Variants in PPARGC1A observed in about 807,000 individuals in gnomAD.
PPARGC1A encodes the protein PPARG coactivator 1 alpha.
In PPARGC1A, 25 loss-of-function variants were observed where a neutral mutation model predicts 88.7. The observed-to-expected ratio is 0.28, with a 90% CI of 0.21 to 0.39. PPARGC1A has a LOEUF of 0.39. Among genes scored for constraint, PPARGC1A ranks in the 10% least tolerant of loss-of-function variants. PPARGC1A has a pLI of 1.00. For missense variants in PPARGC1A, 880 were observed against 968.7 expected, an observed-to-expected ratio of 0.91 and a Z score of 1.22; for synonymous variants, 363 against 355.6, an observed-to-expected ratio of 1.02 and a Z score of -0.24.
At chr4:24,096,052 G>T in the PPARGC1A span, among the ~76,000 whole-genome samples, 8 of 152,244 alleles carry the variant, frequency 5.3e-5, no homozygotes, top group South Asian at 6.2e-4. Context: ...GAGGGGCCTG[G>T]TAGGAGGTGA....
At chr4:24,371,731 A>G in the PPARGC1A span, among the ~76,000 whole-genome samples, 1 of 151,402 alleles carries the variant, frequency 6.6e-6, no homozygotes, top group African/African-American at 2.4e-5. Context: ...ACCTGAGGTC[A>G]GGAGTTCAAG....
At chr4:23,880,658 A>AGCGTCCACATTCATTTCCTTGATT (rs1715742711) in intron 2 of PPARGC1A, 1 of 152,222 alleles carries the variant, frequency 6.6e-6, no homozygotes, top group Admixed American at 6.5e-5. Flanking sequence ...TAGCCTTGAA[A>AGCGTCCACATTCATTTCCTTGATT]GCGTCCACAT....
upstream of PPARGC1A, among the ~76,000 whole-genome samples, chr4:23,892,050 T>C (rs147783435): frequency 1.3e-5 from 2 of 152,362 alleles, no homozygotes; most frequent in Non-Finnish European, 2.9e-5. Context: ...TATTCACTGA[T>C]ACCTTTATTT....
the PPARGC1A span, among the ~76,000 whole-genome samples, chr4:24,060,465 A>G: frequency 6.6e-6 from 1 of 152,192 alleles, no homozygotes; most frequent in East Asian, 1.9e-4. Flanking sequence ...TGATGTGCCT[A>G]TATAATCAGA....
the PPARGC1A span, among the ~76,000 whole-genome samples, chr4:24,021,937 T>C: frequency 1.3e-5 from 2 of 152,272 alleles, no homozygotes; most frequent in East Asian, 3.9e-4. Flanking sequence ...GCTAAATAGA[T>C]GATGCAAGAG....
the PPARGC1A span, among the ~76,000 whole-genome samples, chr4:24,437,598 TTGTTG>T: frequency 3.5e-4 from 14 of 39,814 alleles, no homozygotes; most frequent in South Asian, 1.1e-3. Context: ...AGGTTTTTTG[TTGTTG>T]TTGTTGTTGT....
At chr4:23,943,273 T>C in the PPARGC1A span, among the ~76,000 whole-genome samples, 1 of 152,172 alleles carries the variant, frequency 6.6e-6, no homozygotes, top group Non-Finnish European at 1.5e-5. Flanking sequence ...TCTTTACTTA[T>C]TCAAAAGAAT....
the PPARGC1A span, among the ~76,000 whole-genome samples, chr4:24,282,858 T>A: frequency 1.4e-4 from 22 of 152,312 alleles, no homozygotes; most frequent in Middle Eastern, 6.8e-3. Context: ...TTTCATTTTT[T>A]AAAAAGTTTT....
chr4:24,370,344 A>G, the PPARGC1A span, among the ~76,000 whole-genome samples: 32 of 152,282 alleles, frequency 2.1e-4, no homozygotes, highest in East Asian at 5.6e-3. Flanking sequence ...GGCCTAATGG[A>G]TGAATAATAG....
the PPARGC1A span, among the ~76,000 whole-genome samples, chr4:23,955,468 C>A: frequency 6.6e-6 from 1 of 151,986 alleles, no homozygotes; most frequent in East Asian, 1.9e-4. Flanking sequence ...TCATGACAGG[C>A]CTAACTACTG....
the PPARGC1A span, among the ~76,000 whole-genome samples, chr4:24,308,775 G>A: frequency 6.6e-6 from 1 of 152,074 alleles, no homozygotes; most frequent in Admixed American, 6.5e-5. Flanking sequence ...TTAAAAAATT[G>A]AAAACTGCTA....
the PPARGC1A span, among the ~76,000 whole-genome samples, chr4:24,048,742 T>C: frequency 6.6e-6 from 1 of 152,198 alleles, no homozygotes; most frequent in Non-Finnish European, 1.5e-5. Flanking sequence ...TCTTATGCCT[T>C]TTTATAATTT....
chr4:24,254,730 A>G, the PPARGC1A span, among the ~76,000 whole-genome samples: 1 of 152,254 alleles, frequency 6.6e-6, no homozygotes, highest in African/African-American at 2.4e-5. Context: ...AGCAAGCTGC[A>G]TATTGTGATG....
rs190242115 is a variant in PPARGC1A at position 23,846,437 on chromosome 4, A to G, written c.235-14686T>C. Among the ~76,000 whole-genome samples, 32 of 152,362 alleles carry G rather than the reference A, an allele frequency of 2.1e-4. No homozygotes were observed. In the East Asian group the frequency reaches 6.0e-3, roughly 28 times the overall value. The stretch of plus-strand genomic sequence containing the variant: ...TTGCTTATCAGGAGAATAAAAGGAA[A>G]TAAGTGGCAAAGACTCTGTCTCTTA... On this transcript the variant is annotated intron_variant, in intron 2 of 12. Coordinates refer to ENST00000264867, the MANE Select transcript of PPARGC1A (RefSeq NM_013261.5).
the PPARGC1A span, among the ~76,000 whole-genome samples, chr4:24,099,978 G>A: frequency 2.2e-5 from 3 of 133,412 alleles, no homozygotes; most frequent in African/African-American, 8.3e-5. Context: ...GTTGTGGGGT[G>A]GGGGGAGGGG....
the PPARGC1A span, among the ~76,000 whole-genome samples, chr4:24,155,055 C>T: frequency 6.6e-6 from 1 of 151,736 alleles, no homozygotes; most frequent in Non-Finnish European, 1.5e-5. Context: ...GAGCTAGGTT[C>T]CAATCTCAGG....
chr4:24,032,641 C>T, the PPARGC1A span, among the ~76,000 whole-genome samples: 14 of 152,172 alleles, frequency 9.2e-5, no homozygotes, highest in Non-Finnish European at 1.6e-4. Flanking sequence ...CTGAGCTTCT[C>T]CTTTGGGGCC....
the PPARGC1A span, among the ~76,000 whole-genome samples, chr4:24,236,654 G>C: frequency 6.6e-6 from 1 of 152,144 alleles, no homozygotes; most frequent in Non-Finnish European, 1.5e-5. Context: ...TTTTTCTGCT[G>C]TGCCCTGAGC....
At chr4:23,845,147 G>A (rs1409872201) in intron 2 of PPARGC1A, among the ~76,000 whole-genome samples, 1 of 151,970 alleles carries the variant, frequency 6.6e-6, no homozygotes, top group Non-Finnish European at 1.5e-5. Flanking sequence ...CTTTAGCACG[G>A]AGGCCTGCTG....
Sources: gnomAD v4.1 joint callset for allele counts (sites outside exome capture counted in the v4.1 genomes callset) on GRCh38, gnomAD v4.1.1 for gene constraint, MANE v1.5 for transcripts, NCBI Gene and HGNC (gene_info 2026-07-23, HGNC 2026-07-21) for gene names.